SEMA6D: variants seen among roughly 807,000 people sequenced by gnomAD.
SEMA6D encodes semaphorin-6D.
A neutral mutation model predicts 106.6 loss-of-function variants in SEMA6D; 35 were observed. The observed-to-expected ratio is 0.33, with a 90% CI of 0.25 to 0.44. The LOEUF (loss-of-function observed/expected upper bound fraction) is 0.44, where lower values mean the gene tolerates loss of function less well. Among genes scored for constraint, SEMA6D ranks in the 20% least tolerant of loss-of-function variants. SEMA6D has a pLI of 1.00. For missense variants in SEMA6D, 1,185 were observed against 1,345.9 expected (o/e 0.88, Z 1.87); for synonymous variants, 499 against 487.7 (o/e 1.02, Z -0.31).
chr15:47,565,088 C>A (rs1748185409), intron 3 of SEMA6D, among the ~76,000 whole-genome samples: 1 of 152,100 alleles, frequency 6.6e-6, no homozygotes, highest in South Asian at 2.1e-4. Context: ...GGATGCCGGA[C>A]AAAAGTTTAG....
At chr15:47,343,566 T>C (rs2037917151) in intron 1 of SEMA6D, among the ~76,000 whole-genome samples, 2 of 152,192 alleles carry the variant, frequency 1.3e-5, no homozygotes, top group East Asian at 1.9e-4. Context: ...TTCATCCATG[T>C]CCCTACAAAG....
intron 2 of SEMA6D, among the ~76,000 whole-genome samples, chr15:47,466,218 T>G (rs1021673408): frequency 6.6e-6 from 1 of 152,182 alleles, no homozygotes; most frequent in African/African-American, 2.4e-5. Context: ...CAATACATTA[T>G]TATTAACTGT....
chr15:47,526,176 C>T (rs1393449577), intron 3 of SEMA6D, among the ~76,000 whole-genome samples: 1 of 152,144 alleles, frequency 6.6e-6, no homozygotes, highest in Non-Finnish European at 1.5e-5. Flanking sequence ...CAGCTGGTAC[C>T]CCATTCCTGC....
intron 1 of SEMA6D, among the ~76,000 whole-genome samples, chr15:47,312,233 T>C (rs989620046): frequency 2.0e-5 from 3 of 152,104 alleles, no homozygotes; most frequent in South Asian, 4.2e-4. Context: ...TTCTGTCTTT[T>C]TGTGTTTAGT....
chr15:47,348,727 CAGAGAGAGAGAGAGAGAGAG>C (rs55719976), intron 1 of SEMA6D, among the ~76,000 whole-genome samples: 1 of 57,054 alleles, frequency 1.8e-5, no homozygotes, highest in African/African-American at 5.0e-5. Flanking sequence ...ACCACACACA[CAGAGAGAGAGAGAGAGAGAG>C]AGAGAGAGAG....
intron 1 of SEMA6D, among the ~76,000 whole-genome samples, chr15:47,288,266 A>C (rs2035455576): frequency 6.6e-6 from 1 of 152,148 alleles, no homozygotes; most frequent in East Asian, 1.9e-4. Flanking sequence ...TGCTGCTTGA[A>C]ATATGGCCCC....
intron 1 of SEMA6D, among the ~76,000 whole-genome samples, chr15:47,230,144 A>G (rs1284819752): frequency 1.3e-5 from 2 of 152,082 alleles, no homozygotes; most frequent in Non-Finnish European, 2.9e-5. Flanking sequence ...TTTGAGGATT[A>G]AGCAATCTGC....
chr15:47,435,529 C>G (rs1541731), intron 2 of SEMA6D, among the ~76,000 whole-genome samples: 37,547 of 151,914 alleles, frequency 0.25, 5,574 homozygotes, highest in Middle Eastern at 0.45. Context: ...GCCACGTTCA[C>G]CATTTTCTGA....
intron 1 of SEMA6D, chr15:47,339,044 T>C (rs1303904753): frequency 6.6e-6 from 1 of 152,176 alleles, no homozygotes; most frequent in Non-Finnish European, 1.5e-5. Flanking sequence ...GCCTATGTAA[T>C]GCAGCCTTCA....
At chr15:47,758,321 G>A (rs55961203) in intron 1 of SEMA6D, among the ~76,000 whole-genome samples, 3 of 151,988 alleles carry the variant, frequency 2.0e-5, no homozygotes, top group African/African-American at 7.2e-5. Context: ...TTAGTGGTTG[G>A]ACTCCCCTGG....
chr15:47,759,943 A>T, intron 2 of SEMA6D, 36 bp downstream of exon 2: 1 of 1,455,546 alleles, frequency 6.9e-7, no homozygotes, highest in Non-Finnish European at 9.6e-7. Context: ...TATTCTGAGA[A>T]GGAAGCTTTT....
chr15:47,336,215 A>G (rs2037549023), intron 1 of SEMA6D, among the ~76,000 whole-genome samples: 1 of 152,124 alleles, frequency 6.6e-6, no homozygotes, highest in Non-Finnish European at 1.5e-5. Context: ...TGTCTCTTTT[A>G]CCTGATTGTG....
intron 3 of SEMA6D, among the ~76,000 whole-genome samples, chr15:47,588,428 A>C (rs1213410478): frequency 6.6e-6 from 1 of 152,160 alleles, no homozygotes; most frequent in Non-Finnish European, 1.5e-5. Context: ...CCTCCTTCAC[A>C]GACAGAGCCA....
chr15:47,474,567 T>A (rs940588894), intron 3 of SEMA6D, among the ~76,000 whole-genome samples: 1 of 152,230 alleles, frequency 6.6e-6, no homozygotes, highest in African/African-American at 2.4e-5. Flanking sequence ...GCGTCTTGTG[T>A]GACTTCAATG....
chr15:47,330,385 C>A (rs569102638), intron 1 of SEMA6D, among the ~76,000 whole-genome samples: 1 of 152,158 alleles, frequency 6.6e-6, no homozygotes, highest in Non-Finnish European at 1.5e-5. Flanking sequence ...GTCAGACCTT[C>A]TATGGAGTTG....
At chr15:47,765,339 T>G (rs1308011837) in intron 13 of SEMA6D, 2 of 1,196,766 alleles carry the variant, frequency 1.7e-6, no homozygotes, top group Admixed American at 4.2e-5. Flanking sequence ...TGCAGATATA[T>G]TCCAAGATGC....
intron 4 of SEMA6D, among the ~76,000 whole-genome samples, chr15:47,683,491 AT>A (rs1426575469): frequency 6.6e-6 from 1 of 152,170 alleles, no homozygotes; most frequent in Non-Finnish European, 1.5e-5. Flanking sequence ...TTTATGAAAA[AT>A]CTCAACATCC....
intron 4 of SEMA6D, among the ~76,000 whole-genome samples, chr15:47,698,923 T>G (rs965998943): frequency 1.7e-4 from 26 of 151,992 alleles, no homozygotes; most frequent in African/African-American, 6.0e-4. Context: ...CCACCACCAT[T>G]CCAAGGCGTA....
intron 1 of SEMA6D, among the ~76,000 whole-genome samples, chr15:47,312,714 T>G (rs2036498364): frequency 6.6e-6 from 1 of 152,246 alleles, no homozygotes; most frequent in Non-Finnish European, 1.5e-5. Context: ...CAGGAGAACA[T>G]AATTTAAACA....
Sources: allele counts gnomAD v4.1 joint callset (sites outside exome capture counted in the v4.1 genomes callset), GRCh38; gene constraint gnomAD v4.1.1; transcripts MANE v1.5; gene names NCBI Gene and HGNC (gene_info 2026-07-23, HGNC 2026-07-21).